Variants in DPP6 observed in about 807,000 individuals in gnomAD.
DPP6 encodes the protein dipeptidyl peptidase like 6, also known as A-type potassium channel modulatory protein DPP6.
In DPP6, 69 loss-of-function variants were observed where a neutral mutation model predicts 122.6. The observed-to-expected ratio is 0.56, with a 90% confidence interval of 0.46 to 0.69. The LOEUF (loss-of-function observed/expected upper bound fraction) is 0.69, where lower values mean the gene tolerates loss of function less well. DPP6 is among the 30% of genes least tolerant of loss of function. The pLI is 0.00. For missense variants in DPP6, 928 were observed against 1,116.9 expected (o/e 0.83, Z 2.41); for synonymous variants, 418 against 433.1 (o/e 0.97, Z 0.43).
At chr7:153,933,440 A>G (rs1411990310) in intron 1 of DPP6, among the ~76,000 whole-genome samples, 1 of 152,180 alleles carries the variant, frequency 6.6e-6, no homozygotes, top group African/African-American at 2.4e-5. Context: ...TAATAACTAG[A>G]AGGAAAAACA....
intron 6 of DPP6, among the ~76,000 whole-genome samples, chr7:154,654,030 CT>C (rs1448247478): frequency 6.6e-6 from 1 of 151,966 alleles, no homozygotes; most frequent in Non-Finnish European, 1.5e-5. Context: ...GACTTTCTTC[CT>C]TGTCATTATT....
intron 1 of DPP6, among the ~76,000 whole-genome samples, chr7:154,224,953 G>A (rs28384244): frequency 0.21 from 32,327 of 151,872 alleles, 6,278 homozygotes; most frequent in African/African-American, 0.52. Context: ...GACCAACCTG[G>A]CCAACATGGT....
chr7:153,817,168 C>T, the DPP6 span, among the ~76,000 whole-genome samples: 1 of 144,732 alleles, frequency 6.9e-6, no homozygotes, highest in East Asian at 2.1e-4. Flanking sequence ...TCTGTTTCTT[C>T]TTCCTGCCTC....
chr7:154,637,133 T>C (rs1403038207), intron 5 of DPP6, among the ~76,000 whole-genome samples: 2 of 152,188 alleles, frequency 1.3e-5, no homozygotes, highest in African/African-American at 4.8e-5. Context: ...TGGTTATCTA[T>C]GGATTGTGGA....
rs551590122 is a variant in DPP6 at position 153,898,414 on chromosome 7, G to A, written c.51+10680G>A. Reference sequence around the variant, plus strand: ...TTAAAGTGAGCTGTGATGGTGCCACGGCACTCCAGCCTGGGTGACAGAGTG... The same window carrying A: ...TTAAAGTGAGCTGTGATGGTGCCACAGCACTCCAGCCTGGGTGACAGAGTG... On this transcript the variant is annotated intron_variant, in intron 1 of 25. Transcript: ENST00000404039. Among the ~76,000 whole-genome samples the A allele has an allele frequency of 1.1e-4, 16 of 152,156 alleles. No homozygotes were observed. The South Asian group carries it at 2.9e-3, about 28-fold the overall frequency.
At chr7:154,026,739 C>T (rs1798972606) in intron 1 of DPP6, 1 of 151,588 alleles carries the variant, frequency 6.6e-6, no homozygotes, top group South Asian at 2.1e-4. Flanking sequence ...TCTCAGTCCC[C>T]CATCAAGGAC....
intron 10 of DPP6, among the ~76,000 whole-genome samples, chr7:154,774,019 CTT>C (rs1343011862): frequency 6.6e-6 from 1 of 152,160 alleles, no homozygotes; most frequent in Non-Finnish European, 1.5e-5. Flanking sequence ...TTCAGTGAAA[CTT>C]ATAATGTTGT....
the DPP6 span, among the ~76,000 whole-genome samples, chr7:153,804,459 T>A: frequency 6.6e-6 from 1 of 152,336 alleles, no homozygotes; most frequent in African/African-American, 2.4e-5. Context: ...TTAGGATGGA[T>A]CTTTACAAAC....
chr7:154,031,050 T>C lies in DPP6; in HGVS notation c.51+143316T>C, dbSNP rs71279261. 4.4e-3 allele frequency among the ~76,000 whole-genome samples: 661 copies of C among 151,930 alleles called. 4 individuals are homozygous for C. Among genetic ancestry groups the C allele is most frequent in the African/African-American group, 0.014 (559 of 41,310 alleles). On this transcript the variant is annotated intron_variant, in intron 1 of 25. Coordinates refer to the DPP6 transcript ENST00000404039. ...GCTCACATGCCCAAGCTCTCCCTGG[T>C]TGTCTTATCCTCCCTGGCTATTACC...
In DPP6 at chr7:154,474,955, G is replaced by T. The variant is rs3750043; in HGVS notation, c.375G>T (p.Leu125=). The T allele has an allele frequency of 2.5e-6, 4 of 1,613,328 alleles. No individual in the cohort carries two copies. The highest frequency in any genetic ancestry group is 3.3e-4 in the Middle Eastern group (2 of 6,060). ...TTTTTCTAGCGGAAGATAATAGTCT[G>T]TCTCAAAAGAAGAAGGTCACTGTAG... ...ILLTPAEDNS[L]SQKKKVTVED... Residue 125 remains leucine, a synonymous_variant, in exon 3 of 26, where the codon CTG becomes CTT. Transcript: ENST00000377770.
intron 4 of DPP6, among the ~76,000 whole-genome samples, chr7:154,553,793 T>C (rs1005059017): frequency 2.6e-5 from 4 of 151,628 alleles, no homozygotes; most frequent in African/African-American, 9.7e-5. Flanking sequence ...ACTGTGTTCA[T>C]ATCTGTGAGT....
chr7:154,674,309 C>T (rs1838755093), intron 7 of DPP6, among the ~76,000 whole-genome samples: 1 of 152,152 alleles, frequency 6.6e-6, no homozygotes, highest in Non-Finnish European at 1.5e-5. Context: ...CACATATTTC[C>T]TGATATGGTA....
chr7:153,785,399 C>T, the DPP6 span, among the ~76,000 whole-genome samples: 1 of 152,180 alleles, frequency 6.6e-6, no homozygotes, highest in Non-Finnish European at 1.5e-5. Context: ...ATCCAATACA[C>T]ATTTGTTGAC....
chr7:154,839,900 T>C (rs1163765893), intron 16 of DPP6, among the ~76,000 whole-genome samples: 1 of 151,668 alleles, frequency 6.6e-6, no homozygotes, highest in East Asian at 1.9e-4. Flanking sequence ...GTCAGAGGAG[T>C]GCCACATCAC....
chr7:154,335,743 A>G (rs1291651855), intron 1 of DPP6, among the ~76,000 whole-genome samples: 1 of 152,098 alleles, frequency 6.6e-6, no homozygotes, highest in Non-Finnish European at 1.5e-5. Flanking sequence ...TCTAATGTGG[A>G]ATTCTACAGG....
chr7:154,645,845 G>A (rs1291244024), intron 6 of DPP6, among the ~76,000 whole-genome samples: 8 of 151,812 alleles, frequency 5.3e-5, no homozygotes, highest in Admixed American at 4.6e-4. Context: ...TGGCTAACAC[G>A]GTGAAACCCT....
chr7:154,365,448 T>C (rs1812072057), intron 1 of DPP6, among the ~76,000 whole-genome samples: 1 of 152,178 alleles, frequency 6.6e-6, no homozygotes, highest in African/African-American at 2.4e-5. Flanking sequence ...CATTGTGTCC[T>C]GTTTTCTATG....
intron 1 of DPP6, among the ~76,000 whole-genome samples, chr7:154,429,858 C>T (rs1818214737): frequency 6.6e-6 from 1 of 152,190 alleles, no homozygotes; most frequent in African/African-American, 2.4e-5. Context: ...TCGTCACAGA[C>T]ATTTCAGATG....
rs893867804 is a variant in DPP6, at chr7:154,486,968, G to C, written c.457+11931G>C. Among the ~76,000 whole-genome samples, 24 of 152,166 alleles carry C rather than the reference G, an allele frequency of 1.6e-4. No homozygotes were observed. Among genetic ancestry groups the C allele is most frequent in the Non-Finnish European group, 4.4e-5 (3 of 68,040 alleles). On this transcript the variant is annotated intron_variant, in intron 3 of 25. Coordinates refer to ENST00000377770, the MANE Select transcript of DPP6 (RefSeq NM_130797.4). This position sits in a 1 kb window ranked among gnomAD's most constrained non-coding sequence, Gnocchi z 4.5. ...ACTGGGCCAACTTGCTTCCTGCAGAGATACATGTTCAGACTCTACTAATTA... is the reference window on the plus strand; with the variant it reads ...ACTGGGCCAACTTGCTTCCTGCAGACATACATGTTCAGACTCTACTAATTA...
Sources: allele counts gnomAD v4.1 joint callset (sites outside exome capture counted in the v4.1 genomes callset), GRCh38; gene constraint gnomAD v4.1.1; non-coding constraint Gnocchi (gnomAD v3.1); transcripts MANE v1.5; gene names NCBI Gene and HGNC (gene_info 2026-07-23, HGNC 2026-07-21).